DLC1: variants seen among roughly 807,000 people sequenced by gnomAD.
DLC1 encodes the protein DLC1 Rho GTPase activating protein, also known as rho GTPase-activating protein 7.
Under a neutral mutation model 140.3 loss-of-function variants are expected in DLC1, and 54 were observed. The ratio of observed to expected loss-of-function variants is 0.38; its 90% confidence interval spans 0.31 to 0.48. DLC1 has a LOEUF of 0.48. Ranked by LOEUF, DLC1 falls within the 20% of genes least tolerant of loss-of-function variation. DLC1 has a pLI of 0.96. For synonymous variants in DLC1, 986 were observed against 728.1 expected (o/e 1.35, Z -5.70); for missense variants, 2,536 against 1,907.0 (o/e 1.33, Z -6.14).
At chr8:13,426,374 T>C (rs7845783) in intron 2 of DLC1, among the ~76,000 whole-genome samples, 60,703 of 152,052 alleles carry the variant, frequency 0.4, 12,695 homozygotes, top group East Asian at 0.5. Context: ...TAGATGCACA[T>C]GTTTTTATTA....
intron 1 of DLC1, among the ~76,000 whole-genome samples, chr8:13,570,091 A>G (rs1804592958): frequency 6.6e-6 from 1 of 152,170 alleles, no homozygotes. Flanking sequence ...AACAAAACAA[A>G]ACTCTAAGTT....
intron 1 of DLC1, among the ~76,000 whole-genome samples, chr8:13,577,556 A>C (rs1233709483): frequency 1.3e-5 from 2 of 152,200 alleles, no homozygotes; most frequent in Non-Finnish European, 2.9e-5. Context: ...TAGTGTCATA[A>C]AATTTTGCCA....
At chr8:13,471,630 T>C (rs1564549) in intron 2 of DLC1, among the ~76,000 whole-genome samples, 29,137 of 151,318 alleles carry the variant, frequency 0.19, 4,273 homozygotes, top group African/African-American at 0.4. Context: ...AACAAAACCC[T>C]ATGACACGAG....
chr8:13,097,821 A>T (rs1408643433), intron 10 of DLC1, among the ~76,000 whole-genome samples: 1 of 152,048 alleles, frequency 6.6e-6, no homozygotes, highest in African/African-American at 2.4e-5. Context: ...CTGAAAACTC[A>T]ATCAACCCAC....
chr8:13,375,026 G>GT (rs776104758), intron 4 of DLC1, among the ~76,000 whole-genome samples: 5 of 94,246 alleles, frequency 5.3e-5, no homozygotes, highest in African/African-American at 3.9e-5. Context: ...GAATGCTTGT[G>GT]ATTTTTTTTT....
intron 2 of DLC1, among the ~76,000 whole-genome samples, chr8:13,426,723 A>G (rs1838599835): frequency 1.3e-5 from 2 of 151,956 alleles, no homozygotes; most frequent in South Asian, 2.1e-4. Flanking sequence ...CCATTTTTCT[A>G]TGTTCTTCAT....
At chr8:13,341,348 G>T (rs1008177837) in intron 4 of DLC1, 5 of 152,096 alleles carry the variant, frequency 3.3e-5, no homozygotes. Flanking sequence ...CTTTGGGAAC[G>T]GACATGTGCT....
intron 5 of DLC1, among the ~76,000 whole-genome samples, chr8:13,245,313 A>G (rs1460299752): frequency 7.2e-5 from 11 of 152,190 alleles, no homozygotes; most frequent in Admixed American, 5.2e-4. Context: ...TTGCAACCCT[A>G]GCCTTTGAAA....
intron 5 of DLC1, among the ~76,000 whole-genome samples, chr8:13,237,244 C>T (rs1331393286): frequency 3.5e-5 from 5 of 142,444 alleles, no homozygotes; most frequent in South Asian, 2.2e-4. Flanking sequence ...TATATATACA[C>T]ACACACACAC....
intron 10 of DLC1, among the ~76,000 whole-genome samples, chr8:13,097,372 T>G (rs896021861): frequency 6.6e-6 from 1 of 152,064 alleles, no homozygotes; most frequent in African/African-American, 2.4e-5. Context: ...CAAGGGATTC[T>G]CATGCCTCAG....
Position 13,269,791 on chromosome 8 carries a change from C to T in DLC1, c.1348+35478G>A, listed in dbSNP as rs565036963. Among the ~76,000 whole-genome samples, 84 of 150,902 alleles carry T rather than the reference C, an allele frequency of 5.6e-4. 1 individual carries two copies. The highest frequency in any genetic ancestry group is 4.7e-4 in the Non-Finnish European group (32 of 67,814). On this transcript the variant is annotated intron_variant, in intron 5 of 17. Transcript: ENST00000276297. Reference sequence around the variant, plus strand: ...TTAAAAACATGGCCAGGCGCAGTGGCCCGTGCCTGTAATCCCAGCATTTTG... The same window carrying T: ...TTAAAAACATGGCCAGGCGCAGTGGTCCGTGCCTGTAATCCCAGCATTTTG...
chr8:13,304,915 T>A (rs1832354537), intron 5 of DLC1: 1 of 1,002,450 alleles, frequency 1.0e-6, no homozygotes, highest in Non-Finnish European at 1.2e-6. Context: ...TACTAAGTCA[T>A]TAAGAGTAAA....
intron 5 of DLC1, among the ~76,000 whole-genome samples, chr8:13,217,341 C>T (rs567477556): frequency 6.6e-6 from 1 of 152,210 alleles, no homozygotes; most frequent in East Asian, 1.9e-4. Flanking sequence ...TTATTAATAT[C>T]AACAATTCAT....
At chr8:13,192,256 G>C (rs1563152860) in intron 5 of DLC1, among the ~76,000 whole-genome samples, 1 of 152,004 alleles carries the variant, frequency 6.6e-6, no homozygotes, top group African/African-American at 2.4e-5. Flanking sequence ...CAGCCAGCCT[G>C]ATTATTCTTG....
chr8:13,452,804 T>C lies in DLC1; in HGVS notation c.1023+46245A>G, dbSNP rs149350621. On this transcript the variant is annotated intron_variant, in intron 2 of 17. Coordinates refer to ENST00000276297, the MANE Select transcript of DLC1 (RefSeq NM_182643.3). ...CATACAATCATACACGCTTGGTCAT[T>C]TTGGGACTGTTGACTTTCCACGAGG... Among the ~76,000 whole-genome samples, 467 of 152,320 alleles carry C rather than the reference T, an allele frequency of 3.1e-3. 1 individual carries two copies. Among genetic ancestry groups the C allele is most frequent in the African/African-American group, 0.011 (460 of 41,576 alleles).
intron 5 of DLC1, among the ~76,000 whole-genome samples, chr8:13,303,596 G>A (rs1424536955): frequency 6.6e-6 from 1 of 152,248 alleles, no homozygotes; most frequent in East Asian, 1.9e-4. Context: ...GAGCTCAGGA[G>A]TTTGAGACTA....
At chr8:13,213,674 C>T (rs1056493578) in intron 5 of DLC1, among the ~76,000 whole-genome samples, 1 of 152,146 alleles carries the variant, frequency 6.6e-6, no homozygotes, top group African/African-American at 2.4e-5. Context: ...TTTTATGTAT[C>T]TTAGCCATGT....
rs146933045 is a variant in DLC1, at chr8:13,383,794, G to A, written c.1314+9759C>T. ...ATGACATAGAGAAGAGCCAATGTTC[G>A]AACACCAATATTTCAGCCACACGAA... On this transcript the variant is annotated intron_variant, in intron 4 of 17. Coordinates refer to ENST00000276297, the MANE Select transcript of DLC1 (RefSeq NM_182643.3). Among the ~76,000 whole-genome samples, 358 of 152,226 alleles carry A rather than the reference G, an allele frequency of 2.4e-3. 1 individual carries two copies. Among genetic ancestry groups the A allele is most frequent in the African/African-American group, 7.7e-3 (319 of 41,538 alleles).
chr8:13,330,569 A>G (rs1463409627), intron 4 of DLC1, among the ~76,000 whole-genome samples: 1 of 152,084 alleles, frequency 6.6e-6, no homozygotes, highest in Non-Finnish European at 1.5e-5. Context: ...AGCACATTCA[A>G]ACCAGTCACT....
Sources: gnomAD v4.1 joint callset for allele counts (sites outside exome capture counted in the v4.1 genomes callset) on GRCh38, gnomAD v4.1.1 for gene constraint, MANE v1.5 for transcripts, NCBI Gene and HGNC (gene_info 2026-07-23, HGNC 2026-07-21) for gene names.